OBP2B: variants seen among roughly 807,000 people sequenced by gnomAD.
OBP2B encodes the protein odorant-binding protein 2b.
A neutral mutation model predicts 21.7 loss-of-function variants in OBP2B; 10 were observed. That is an observed-to-expected ratio of 0.46 (90% CI 0.28 to 0.78). The LOEUF is 0.78. Ranked by LOEUF, OBP2B falls within the 30% of genes least tolerant of loss-of-function variation. The pLI is 0.11. For missense variants in OBP2B, 153 were observed against 217.7 expected, an observed-to-expected ratio of 0.70 and a Z score of 1.87; for synonymous variants, 73 against 91.5, an observed-to-expected ratio of 0.80 and a Z score of 1.16.
chr9:133,206,537 G>T, intron 4 of OBP2B, 121 bp from the exon 5 acceptor site: 1 of 1,313,450 alleles, frequency 7.6e-7, no homozygotes, highest in South Asian at 1.3e-5. Context: ...CCTGAGAGTG[G>T]ATCAGAGCTC....
the OBP2B span, among the ~76,000 whole-genome samples, chr9:133,219,526 T>C: frequency 6.6e-6 from 1 of 152,210 alleles, no homozygotes; most frequent in African/African-American, 2.4e-5. Flanking sequence ...CTCAATGTCA[T>C]TAGTCATTAG....
rs782754774 is a variant in OBP2B, at chr9:133,207,263, C to T, written c.351G>A (p.Gln117=). ...CCATGTGGAGCAGGCCCCCATGGTG[C>T]TGGTCTTTGCAGTAAAAGATGTAGT... ...RDHYIFYCKD[Q]HHGGLLHMGK... The change falls in exon 4 of 7, where the codon CAG becomes CAA. Residue 117 remains glutamine (Q), a synonymous_variant. Coordinates refer to ENST00000372034, the MANE Select transcript of OBP2B (RefSeq NM_014581.4). 5 of 1,613,952 alleles carry T rather than the reference C, an allele frequency of 3.1e-6. No individual in the cohort carries two copies. The highest frequency in any genetic ancestry group is 3.3e-5 in the Admixed American group (2 of 60,012).
chr9:133,206,224 G>A, intron 5 of OBP2B, 91 bp downstream of exon 5: 2 of 1,382,114 alleles, frequency 1.4e-6, no homozygotes, highest in South Asian at 1.2e-5. Flanking sequence ...GGAATGCGGG[G>A]GACATGGGAG....
chr9:133,207,665 ACTAACCCTCGGCCTCCCCATCC>A (rs879957127), intron 3 of OBP2B, among the ~76,000 whole-genome samples: 6,232 of 150,064 alleles, frequency 0.042, 247 homozygotes, highest in African/African-American at 0.11. Context: ...CTTCCGCAGC[ACTAACCCTCGGCCTCCCCATCC>A]CTAACCCTCG....
At chr9:133,219,596 T>C in the OBP2B span, among the ~76,000 whole-genome samples, 2 of 152,160 alleles carry the variant, frequency 1.3e-5, no homozygotes, top group Non-Finnish European at 2.9e-5. Context: ...ATGGCTAGAA[T>C]CACAAAGCCA....
chr9:133,212,896 C>G (rs1399039793), upstream of OBP2B, among the ~76,000 whole-genome samples: 1 of 151,924 alleles, frequency 6.6e-6, no homozygotes, highest in African/African-American at 2.4e-5. Flanking sequence ...CCACTGCACT[C>G]CAGCCTGGGT....
At chr9:133,213,567 A>G (rs1397974965), upstream of OBP2B, among the ~76,000 whole-genome samples, 8 of 152,202 alleles carry the variant, frequency 5.3e-5, no homozygotes, top group Admixed American at 4.6e-4. Context: ...CAAACAAAAA[A>G]AGAAAGAAAG....
chr9:133,223,060 A>G, the OBP2B span, among the ~76,000 whole-genome samples: 2 of 152,188 alleles, frequency 1.3e-5, no homozygotes, highest in Non-Finnish European at 2.9e-5. The surrounding 1 kb of genome is among the most constrained non-coding windows in gnomAD (Gnocchi z 4.4). Context: ...AGCTTGGCTC[A>G]CTGGTGACGA....
At chr9:133,216,300 A>T in the OBP2B span, among the ~76,000 whole-genome samples, 5 of 151,290 alleles carry the variant, frequency 3.3e-5, no homozygotes, top group African/African-American at 1.2e-4. Context: ...GAGGATATAC[A>T]GATGGCAAAT....
chr9:133,207,034 G>A (rs531258481), intron 4 of OBP2B, among the ~76,000 whole-genome samples, 192 bp downstream of exon 4: 1 of 152,210 alleles, frequency 6.6e-6, no homozygotes, highest in Non-Finnish European at 1.5e-5. Flanking sequence ...CGAGGGCCAT[G>A]TCTGTCCCTG....
chr9:133,208,054 G>A, intron 3 of OBP2B, 79 bp downstream of exon 3: 4 of 1,487,832 alleles, frequency 2.7e-6, no homozygotes, highest in Non-Finnish European at 3.6e-6. Context: ...GGCAGCCTGG[G>A]CACTCTCTAC....
the OBP2B span, among the ~76,000 whole-genome samples, chr9:133,217,288 G>A: frequency 6.6e-6 from 1 of 152,174 alleles, no homozygotes; most frequent in Admixed American, 6.5e-5. Flanking sequence ...ATAAATAAGT[G>A]AATTGCAGTG....
the OBP2B span, among the ~76,000 whole-genome samples, chr9:133,216,692 A>G: frequency 2.0e-5 from 3 of 152,184 alleles, no homozygotes; most frequent in African/African-American, 7.2e-5. Flanking sequence ...GTAAAATGGA[A>G]TAAACTATTG....
the OBP2B span, among the ~76,000 whole-genome samples, chr9:133,217,437 G>A: frequency 6.6e-6 from 1 of 152,176 alleles, no homozygotes; most frequent in African/African-American, 2.4e-5. Context: ...GTAGGGAGAA[G>A]CGCCTCCTAG....
chr9:133,206,641 G>T (rs1301863343), intron 4 of OBP2B, among the ~76,000 whole-genome samples: 2 of 150,196 alleles, frequency 1.3e-5, no homozygotes, highest in Non-Finnish European at 2.9e-5. Context: ...GGGTGGGGCC[G>T]GGGACAGAAG....
the OBP2B span, among the ~76,000 whole-genome samples, chr9:133,219,686 T>C: frequency 2.1e-4 from 32 of 152,362 alleles, no homozygotes; most frequent in African/African-American, 6.7e-4. Flanking sequence ...ATGGCACAGC[T>C]GCTCAGAAAA....
chr9:133,211,910 G>A (rs1833920726), upstream of OBP2B, among the ~76,000 whole-genome samples: 2 of 152,120 alleles, frequency 1.3e-5, no homozygotes, highest in South Asian at 2.1e-4. Context: ...ACAGTGATTG[G>A]CAAAGTGAAT....
rs1361918139 is a variant in OBP2B at position 133,208,591 on chromosome 9, G to C, written c.84C>G (p.Thr28=). The C allele has an allele frequency of 1.2e-6, 2 of 1,609,882 alleles. No homozygotes were observed. Among genetic ancestry groups the C allele is most frequent in the Non-Finnish European group, 1.7e-6 (2 of 1,177,638 alleles). ...FTLEEEDITG[T]WYVKAMVVDK... is the part of the protein sequence containing the mutation. ...CGACCACCATGGCCTTCACGTACCAGGTCCCTGTGATCTGGAGCAGGCCAA... is the reference window on the plus strand; with the variant it reads ...CGACCACCATGGCCTTCACGTACCACGTCCCTGTGATCTGGAGCAGGCCAA... Residue 28 remains threonine, a synonymous_variant, in exon 2 of 7, where the codon ACC becomes ACG. Coordinates refer to ENST00000372034, the MANE Select transcript of OBP2B (RefSeq NM_014581.4).
At chr9:133,222,086 C>G in the OBP2B span, among the ~76,000 whole-genome samples, 1 of 151,900 alleles carries the variant, frequency 6.6e-6, no homozygotes. Context: ...GAACCGCGCT[C>G]CAATGTGGAC....
Sources: gnomAD v4.1 joint callset for allele counts (sites outside exome capture counted in the v4.1 genomes callset) on GRCh38, gnomAD v4.1.1 for gene constraint, Gnocchi (gnomAD v3.1) non-coding constraint, MANE v1.5 for transcripts, NCBI Gene and HGNC (gene_info 2026-07-23, HGNC 2026-07-21) for gene names.